ZFP36: variants seen among roughly 807,000 people sequenced by gnomAD.
ZFP36 encodes mRNA decay activator protein ZFP36.
ZFP36 carries 13 observed loss-of-function variants against 19.8 expected under a neutral mutation model. That is an observed-to-expected ratio of 0.66 (90% CI 0.43 to 1.04). The LOEUF is 1.04. ZFP36 is among the 50% of genes least tolerant of loss of function. The pLI, the probability that ZFP36 is intolerant of heterozygous loss-of-function variation, is 0.00. For missense variants in ZFP36, 354 were observed against 441.6 expected (o/e 0.80, Z 1.78); for synonymous variants, 191 against 194.5 (o/e 0.98, Z 0.15).
In ZFP36 at chr19:39,408,121, C is replaced by G. The variant is rs777539200; in HGVS notation, c.403C>G (p.Gln135Glu). Residue 135 changes from glutamine (Q) to glutamate (E), a missense_variant, in exon 2 of 2, where the codon CAG (glutamine) becomes GAG (glutamate). Coordinates refer to ENST00000597629, the MANE Select transcript of ZFP36 (RefSeq NM_003407.5). This position sits in a 1 kb window ranked among gnomAD's most constrained non-coding sequence, Gnocchi z 6.0. ...QFAHGLGELRQANRHPKYKTE... is the reference protein window; with the variant it reads ...QFAHGLGELREANRHPKYKTE... ...TGCCCATGGCCTGGGCGAGCTGCGC[C>G]AGGCCAATCGCCACCCCAAATACAA... 1.8e-5 allele frequency: 29 copies of G among 1,613,822 alleles called. No homozygotes were observed. The highest frequency in any genetic ancestry group is 2.4e-5 in the Non-Finnish European group (28 of 1,180,020).
At position 39,408,098 on chromosome 19, in the gene ZFP36, C is replaced by T; in HGVS notation, c.380C>T (p.Ala127Val). 1 of 1,613,954 alleles carries T rather than the reference C, an allele frequency of 6.2e-7. No homozygotes were observed. Among genetic ancestry groups the T allele is most frequent in the Non-Finnish European group, 8.5e-7 (1 of 1,180,022 alleles). ...RCRYGAKCQF[A>V]HGLGELRQAN... ...CGCTACGGGGCCAAGTGCCAGTTTGCCCATGGCCTGGGCGAGCTGCGCCAG... is the reference window on the plus strand; with the variant it reads ...CGCTACGGGGCCAAGTGCCAGTTTGTCCATGGCCTGGGCGAGCTGCGCCAG... The change falls in exon 2 of 2, where the codon GCC becomes GTC. Residue 127 changes from alanine (A) to valine (V), a missense_variant. Physicochemically the swap from Ala to Val is moderately conservative, Grantham distance 64 (BLOSUM62 0). Transcript: ENST00000597629. The surrounding 1 kb of genome is among the most constrained non-coding windows in gnomAD (Gnocchi z 6.0).
chr19:39,407,229 C>T lies in ZFP36; in HGVS notation c.24+301C>T. 1.9e-6 allele frequency: 1 copy of T among 536,124 alleles called. No individual in the cohort carries two copies. Among genetic ancestry groups the T allele is most frequent in the South Asian group, 2.4e-5 (1 of 41,666 alleles). The allele number at this position is 536,124 out of a possible 1,614,324, so 33.2% of individuals were successfully genotyped here. On this transcript the variant is annotated intron_variant, in intron 1 of 1. Coordinates refer to ENST00000597629, the MANE Select transcript of ZFP36 (RefSeq NM_003407.5). This position sits in a 1 kb window ranked among gnomAD's most constrained non-coding sequence, Gnocchi z 7.6. ...GCTGCCTGGAGGCGGAAGTGGCCCC[C>T]ATACCTGGCTCACCCCTAGTCGTTG...
rs1234197057 is a variant in ZFP36, at chr19:39,408,443, G to C, written c.725G>C (p.Arg242Pro). 6.2e-7 allele frequency: 1 copy of C among 1,612,058 alleles called. No homozygotes were observed. The highest frequency in any genetic ancestry group is 1.7e-5 in the Admixed American group (1 of 59,860). Residue 242 changes from arginine to proline, a missense_variant, in exon 2 of 2, where the codon CGA becomes CCA. By Grantham distance (103) the Arg-to-Pro change is moderately radical. Transcript: ENST00000597629. The surrounding 1 kb of genome is among the most constrained non-coding windows in gnomAD (Gnocchi z 6.0). Reference sequence around the variant, plus strand: ...GCTGCCCCTGGCACCCCCCTGGCTCGAAGAGACCCCACCCCAGTCTGTTGC... The same window carrying C: ...GCTGCCCCTGGCACCCCCCTGGCTCCAAGAGACCCCACCCCAGTCTGTTGC... ...FSAAPGTPLA[R>P]RDPTPVCCPS...
In ZFP36 at chr19:39,408,705, T is replaced by G; in HGVS notation, c.*6T>G. The stretch of plus-strand genomic sequence containing the variant: ...GCATCTCTGTTTCTGAGTGACAAAG[T>G]GACTGCCCGGTCAGATCAGCTGGAT... On this transcript the variant is annotated 3_prime_UTR_variant, in exon 2 of 2. Coordinates refer to ENST00000597629, the MANE Select transcript of ZFP36 (RefSeq NM_003407.5). This position sits in a 1 kb window ranked among gnomAD's most constrained non-coding sequence, Gnocchi z 6.0. The G allele has an allele frequency of 6.4e-7, 1 of 1,550,906 alleles. No homozygotes were observed. The highest frequency in any genetic ancestry group is 8.7e-7 in the Non-Finnish European group (1 of 1,154,862).
At position 39,407,247 on chromosome 19, in the gene ZFP36, A is replaced by C. The variant is rs1487788329; in HGVS notation, c.24+319A>C. 2.0e-6 allele frequency: 1 copy of C among 511,730 alleles called. No individual in the cohort carries two copies. The highest frequency in any genetic ancestry group is 2.0e-5 in the African/African-American group (1 of 49,852). 31.7% of individuals were successfully genotyped at this position (511,730 alleles called of 1,614,324 possible). On this transcript the variant is annotated intron_variant, in intron 1 of 1. Coordinates refer to ENST00000597629, the MANE Select transcript of ZFP36 (RefSeq NM_003407.5). This position sits in a 1 kb window ranked among gnomAD's most constrained non-coding sequence, Gnocchi z 7.6. ...TGGCCCCCATACCTGGCTCACCCCTAGTCGTTGCTGAGGGCGTGGTTTTGC... is the reference window on the plus strand; with the variant it reads ...TGGCCCCCATACCTGGCTCACCCCTCGTCGTTGCTGAGGGCGTGGTTTTGC...
At position 39,408,533 on chromosome 19, in the gene ZFP36, C is replaced by T; in HGVS notation, c.815C>T (p.Pro272Leu). 6.2e-7 allele frequency: 1 copy of T among 1,611,566 alleles called. No homozygotes were observed. The highest frequency in any genetic ancestry group is 8.5e-7 in the Non-Finnish European group (1 of 1,178,592). Residue 272 changes from proline to leucine, a missense_variant, in exon 2 of 2, where the codon CCC (proline) becomes CTC (leucine). Physicochemically the swap from Pro to Leu is moderately conservative, Grantham distance 98 (BLOSUM62 -3). Transcript: ENST00000597629. This position sits in a 1 kb window ranked among gnomAD's most constrained non-coding sequence, Gnocchi z 6.0. ...CCCTTGGGTGGCCTGGTTCGGACCCCCTCTGTACAGTCCCTGGGATCCGAC... is the reference window on the plus strand; with the variant it reads ...CCCTTGGGTGGCCTGGTTCGGACCCTCTCTGTACAGTCCCTGGGATCCGAC... ...WGPLGGLVRT[P>L]SVQSLGSDPD...
Position 39,408,316 on chromosome 19 carries a change from C to A in ZFP36, c.598C>A (p.Pro200Thr). 1 of 1,613,474 alleles carries A rather than the reference C, an allele frequency of 6.2e-7. No homozygotes were observed. Among genetic ancestry groups the A allele is most frequent in the Non-Finnish European group, 8.5e-7 (1 of 1,179,844 alleles). ...CTCTGGCCGCCGGACCTCACCACCA[C>A]CACCAGGCCTGGCCGGCCCTTCCCT... is the stretch of plus-strand genomic sequence containing the variant. ...LPSGRRTSPP[P>T]PGLAGPSLSS... is the part of the protein sequence containing the mutation. The change falls in exon 2 of 2, where the codon CCA becomes ACA. Residue 200 changes from proline to threonine, a missense_variant. Transcript: ENST00000597629. This position sits in a 1 kb window ranked among gnomAD's most constrained non-coding sequence, Gnocchi z 6.0.
At position 39,407,748 on chromosome 19, in the gene ZFP36, C is replaced by T. The variant is rs760255002; in HGVS notation, c.30C>T (p.Leu10=). 26 of 1,531,696 alleles carry T rather than the reference C, an allele frequency of 1.7e-5. No individual in the cohort carries two copies. Among genetic ancestry groups the T allele is most frequent in the Non-Finnish European group, 2.3e-5 (26 of 1,145,090 alleles). 94.9% of individuals were successfully genotyped at this position (1,531,696 alleles called of 1,614,324 possible). ...TAACCGACCCATTTCCGCAGAGCCTCCTGTCGCTGAGCCCTGACGTGCCCG... is the reference window on the plus strand; with the variant it reads ...TAACCGACCCATTTCCGCAGAGCCTTCTGTCGCTGAGCCCTGACGTGCCCG... MDLTAIYES[L]LSLSPDVPVP... is the part of the protein sequence containing the mutation. The change falls in exon 2 of 2, where the codon CTC becomes CTT. Residue 10 remains leucine, a synonymous_variant. Transcript: ENST00000597629. This position sits in a 1 kb window ranked among gnomAD's most constrained non-coding sequence, Gnocchi z 7.6.
In ZFP36 at chr19:39,407,642, G is replaced by A; in HGVS notation, c.25-101G>A. Reference sequence around the variant, plus strand: ...GTTTCTGCGGGCGGGTGGGGCTCAGGCGGGGAGCCCACAAACCGGCCTGGC... The same window carrying A: ...GTTTCTGCGGGCGGGTGGGGCTCAGACGGGGAGCCCACAAACCGGCCTGGC... On this transcript the variant is annotated intron_variant, in intron 1 of 1. Transcript: ENST00000597629. The surrounding 1 kb of genome is among the most constrained non-coding windows in gnomAD (Gnocchi z 7.6). 1 of 1,117,104 alleles carries A rather than the reference G, an allele frequency of 9.0e-7. No individual in the cohort carries two copies. Among genetic ancestry groups the A allele is most frequent in the Non-Finnish European group, 1.2e-6 (1 of 803,710 alleles). 69.2% of individuals were successfully genotyped at this position (1,117,104 alleles called of 1,614,324 possible).
In ZFP36 at chr19:39,408,594, G is replaced by C; in HGVS notation, c.876G>C (p.Gly292=). The C allele has an allele frequency of 6.2e-7, 1 of 1,613,480 alleles. No homozygotes were observed. The highest frequency in any genetic ancestry group is 8.5e-7 in the Non-Finnish European group (1 of 1,179,754). ...ATGCCAGCAGCGGCAGCAGCCTGGG[G>C]GGCTCTGACTCTCCCGTCTTCGAGG... is the stretch of plus-strand genomic sequence containing the variant. ...DEYASSGSSL[G]GSDSPVFEAG... Residue 292 remains glycine, a synonymous_variant, in exon 2 of 2, where the codon GGG becomes GGC. Coordinates refer to ENST00000597629, the MANE Select transcript of ZFP36 (RefSeq NM_003407.5). The surrounding 1 kb of genome is among the most constrained non-coding windows in gnomAD (Gnocchi z 6.0).
In ZFP36 at chr19:39,406,896, C is replaced by T. The variant is rs201188173; in HGVS notation, c.-9C>T. On this transcript the variant is annotated 5_prime_UTR_variant, in exon 1 of 2. Transcript: ENST00000597629. ...TCGGCCGACACCCCTCATGGCCAAC[C>T]GTTACACCATGGATCTGACTGCCAT... The T allele has an allele frequency of 9.3e-6, 15 of 1,610,932 alleles. No individual in the cohort carries two copies. In the African/African-American group the frequency reaches 1.5e-4, roughly 16 times the overall value.
At position 39,406,876 on chromosome 19, in the gene ZFP36, C is replaced by G. The variant is rs2078480519; in HGVS notation, c.-29C>G. On this transcript the variant is annotated 5_prime_UTR_variant, in exon 1 of 2. Transcript: ENST00000597629. ...TGACTTCAGCGCTCCCACTCTCGGC[C>G]GACACCCCTCATGGCCAACCGTTAC... 2 of 1,600,684 alleles carry G rather than the reference C, an allele frequency of 1.2e-6. No individual in the cohort carries two copies. Among genetic ancestry groups the G allele is most frequent in the Non-Finnish European group, 1.7e-6 (2 of 1,175,362 alleles).
chr19:39,408,165 G>A lies in ZFP36; in HGVS notation c.447G>A (p.Lys149=), dbSNP rs939108472. 2.5e-6 allele frequency: 4 copies of A among 1,613,810 alleles called. No individual in the cohort carries two copies. Among genetic ancestry groups the A allele is most frequent in the Non-Finnish European group, 3.4e-6 (4 of 1,180,022 alleles). ...HPKYKTELCH[K]FYLQGRCPYG... is the part of the protein sequence containing the mutation. ...AATACAAGACGGAACTCTGTCACAA[G>A]TTCTACCTCCAGGGCCGCTGCCCCT... The change falls in exon 2 of 2, where the codon AAG becomes AAA. Residue 149 remains lysine (K), a synonymous_variant. Coordinates refer to ENST00000597629, the MANE Select transcript of ZFP36 (RefSeq NM_003407.5). The surrounding 1 kb of genome is among the most constrained non-coding windows in gnomAD (Gnocchi z 6.0).
At position 39,408,314 on chromosome 19, in the gene ZFP36, C is replaced by T. The variant is rs1347295749; in HGVS notation, c.596C>T (p.Pro199Leu). The T allele has an allele frequency of 6.2e-7, 1 of 1,613,438 alleles. No individual in the cohort carries two copies. ...CCCTCTGGCCGCCGGACCTCACCAC[C>T]ACCACCAGGCCTGGCCGGCCCTTCC... Reference protein sequence around the residue: ...GLPSGRRTSPPPPGLAGPSLS... With the variant: ...GLPSGRRTSPLPPGLAGPSLS... The change falls in exon 2 of 2, where the codon CCA becomes CTA. Residue 199 changes from proline to leucine, a missense_variant. Physicochemically the swap from Pro to Leu is moderately conservative, Grantham distance 98. Transcript: ENST00000597629. The surrounding 1 kb of genome is among the most constrained non-coding windows in gnomAD (Gnocchi z 6.0).
chr19:39,407,506 C>T lies in ZFP36; in HGVS notation c.25-237C>T. On this transcript the variant is annotated intron_variant, in intron 1 of 1. Transcript: ENST00000597629. This position sits in a 1 kb window ranked among gnomAD's most constrained non-coding sequence, Gnocchi z 7.6. The stretch of plus-strand genomic sequence containing the variant: ...GGTGCGCCCTGACTTCGGGGTCCCC[C>T]TCTTGGTCCAGCCGGGGAAGCCGGG... The T allele has an allele frequency of 2.1e-6, 1 of 467,202 alleles. No homozygotes were observed. Among genetic ancestry groups the T allele is most frequent in the East Asian group, 3.2e-5 (1 of 30,818 alleles). 28.9% of individuals were successfully genotyped at this position (467,202 alleles called of 1,614,324 possible). A position where few individuals can be genotyped will look rare whatever the true frequency, so the allele number is the denominator to read the frequency against.
In ZFP36 at chr19:39,408,111, C is replaced by A. The variant is rs1316505159; in HGVS notation, c.393C>A (p.Gly131=). ...GAKCQFAHGL[G]ELRQANRHPK... is the part of the protein sequence containing the mutation. ...AGTGCCAGTTTGCCCATGGCCTGGG[C>A]GAGCTGCGCCAGGCCAATCGCCACC... The change falls in exon 2 of 2, where the codon GGC becomes GGA. Residue 131 remains glycine, a synonymous_variant. Coordinates refer to ENST00000597629, the MANE Select transcript of ZFP36 (RefSeq NM_003407.5). The surrounding 1 kb of genome is among the most constrained non-coding windows in gnomAD (Gnocchi z 6.0). 1 of 1,613,916 alleles carries A rather than the reference C, an allele frequency of 6.2e-7. No individual in the cohort carries two copies. The highest frequency in any genetic ancestry group is 1.7e-5 in the Admixed American group (1 of 60,034).
rs373191675 is a variant in ZFP36 at position 39,407,962 on chromosome 19, C to T, written c.244C>T (p.Arg82Cys). The T allele has an allele frequency of 5.0e-6, 8 of 1,602,446 alleles. No homozygotes were observed. The highest frequency in any genetic ancestry group is 1.7e-5 in the Admixed American group (1 of 59,798). Reference protein sequence around the residue: ...PPPGFAPLAPRLGPELSPSPT... With the variant: ...PPPGFAPLAPCLGPELSPSPT... ...CCCTGGCTTCGCACCGCTGGCTCCC[C>T]GCCTGGGCCCTGAGCTGTCACCCTC... The change falls in exon 2 of 2, where the codon CGC becomes TGC. Residue 82 changes from arginine to cysteine, a missense_variant. Coordinates refer to ENST00000597629, the MANE Select transcript of ZFP36 (RefSeq NM_003407.5). The surrounding 1 kb of genome is among the most constrained non-coding windows in gnomAD (Gnocchi z 7.6).
At position 39,408,589 on chromosome 19, in the gene ZFP36, C is replaced by G. The variant is rs754359529; in HGVS notation, c.871C>G (p.Leu291Val). 4 of 1,613,536 alleles carry G rather than the reference C, an allele frequency of 2.5e-6. No homozygotes were observed. In the South Asian group the frequency reaches 3.3e-5, roughly 13 times the overall value. The change falls in exon 2 of 2, where the codon CTG becomes GTG. Residue 291 changes from leucine (L) to valine (V), a missense_variant. Transcript: ENST00000597629. This position sits in a 1 kb window ranked among gnomAD's most constrained non-coding sequence, Gnocchi z 6.0. ...PDEYASSGSS[L>V]GGSDSPVFEA... ...TGAATATGCCAGCAGCGGCAGCAGC[C>G]TGGGGGGCTCTGACTCTCCCGTCTT...
chr19:39,409,095 A>T lies in ZFP36; in HGVS notation c.*396A>T, dbSNP rs566433333. The T allele has an allele frequency of 6.2e-6, 1 of 161,224 alleles. No individual in the cohort carries two copies. Among genetic ancestry groups the T allele is most frequent in the Non-Finnish European group, 1.3e-5 (1 of 74,150 alleles). The allele number at this position is 161,224 out of a possible 1,614,324, so 10.0% of individuals were successfully genotyped here. On this transcript the variant is annotated 3_prime_UTR_variant, in exon 2 of 2. Transcript: ENST00000597629. The stretch of plus-strand genomic sequence containing the variant: ...GGTTCCAGTGTCTCCTGGTAACTGG[A>T]ACCTCTCCTGAGGGGGAATCCTGGT...
Sources: gnomAD v4.1 joint callset for allele counts on GRCh38, gnomAD v4.1.1 for gene constraint, Gnocchi (gnomAD v3.1) non-coding constraint, MANE v1.5 for transcripts, NCBI Gene and HGNC (gene_info 2026-07-23, HGNC 2026-07-21) for gene names.